HDGFL2: variants seen among roughly 807,000 people sequenced by gnomAD.
HDGFL2 encodes hepatoma-derived growth factor-related protein 2.
Under a neutral mutation model 77.1 loss-of-function variants are expected in HDGFL2, and 36 were observed. That is an observed-to-expected ratio of 0.47 (90% CI 0.36 to 0.62). HDGFL2 has a LOEUF of 0.62. HDGFL2 is among the 20% of genes least tolerant of loss of function. HDGFL2 has a pLI of 0.00. For missense variants in HDGFL2, 976 were observed against 973.4 expected, an observed-to-expected ratio of 1.00 and a Z score of -0.04; for synonymous variants, 463 against 413.1, an observed-to-expected ratio of 1.12 and a Z score of -1.46.
In HDGFL2 at chr19:4,498,504, G is replaced by A. The variant is rs1343913565; in HGVS notation, c.1473+128G>A. 26 of 752,484 alleles carry A rather than the reference G, an allele frequency of 3.5e-5. No homozygotes were observed. In the East Asian group the frequency reaches 3.7e-4, roughly 11 times the overall value. The allele number at this position is 752,484 out of a possible 1,614,324, so 46.6% of individuals were successfully genotyped here. ...GTTGGGTGGGCCAGGAGTCTGTTCC[G>A]GTTGCTAGTGAGCGCATGGGGTCTC... is the stretch of plus-strand genomic sequence containing the variant. On this transcript the variant is annotated intron_variant, in intron 12 of 15. Transcript: ENST00000616600.
At chr19:4,490,917 T>A (rs575246709) in intron 4 of HDGFL2, among the ~76,000 whole-genome samples, 1 of 152,066 alleles carries the variant, frequency 6.6e-6, no homozygotes, top group Admixed American at 6.5e-5. Context: ...GTTCAAGCGA[T>A]TATCCTGCCT....
chr19:4,488,524 T>G, intron 3 of HDGFL2, 152 bp from the exon 4 acceptor site: 3 of 714,728 alleles, frequency 4.2e-6, no homozygotes, highest in Non-Finnish European at 6.9e-6. Flanking sequence ...TCGGCTCTTC[T>G]GGGCCTCGGT....
At position 4,491,691 on chromosome 19, in the gene HDGFL2, G is replaced by C; in HGVS notation, c.606+9G>C. On this transcript the variant is annotated intron_variant, in intron 5 of 15. Transcript: ENST00000616600. The stretch of plus-strand genomic sequence containing the variant: ...AGAAGACCAGCGACCAGGTGGGCCA[G>C]TGGCTCCTTGGGATGGCAGGGAAGC... 1 of 1,613,936 alleles carries C rather than the reference G, an allele frequency of 6.2e-7. No individual in the cohort carries two copies. Among genetic ancestry groups the C allele is most frequent in the Non-Finnish European group, 8.5e-7 (1 of 1,179,860 alleles).
chr19:4,498,879 C>T lies in HDGFL2; in HGVS notation c.1539C>T (p.Leu513=), dbSNP rs1975779254. 1 of 1,611,976 alleles carries T rather than the reference C, an allele frequency of 6.2e-7. No homozygotes were observed. Among genetic ancestry groups the T allele is most frequent in the Non-Finnish European group, 8.5e-7 (1 of 1,179,048 alleles). Residue 513 remains leucine (L), a synonymous_variant, in exon 13 of 16, where the codon CTC becomes CTT. Coordinates refer to ENST00000616600, the MANE Select transcript of HDGFL2 (RefSeq NM_001001520.3). The stretch of plus-strand genomic sequence containing the variant: ...CCCTGCAGGTGACCTCTCAGATCCT[C>T]CAGAAGAACACAGACGTGGTGGCCA... The part of the protein sequence containing the change: ...LGTLQVTSQI[L]QKNTDVVATL...
At chr19:4,491,732 G>A in intron 5 of HDGFL2, 32 bp from the exon 6 acceptor site, 1 of 1,613,522 alleles carries the variant, frequency 6.2e-7, no homozygotes, top group Non-Finnish European at 8.5e-7. Context: ...GGCTGCCAGT[G>A]GGCCCCAGTT....
At chr19:4,489,134 G>T (rs10401202) in intron 4 of HDGFL2, among the ~76,000 whole-genome samples, 11,310 of 151,584 alleles carry the variant, frequency 0.075, 1,423 homozygotes, top group African/African-American at 0.26. Flanking sequence ...TTGTATTTTT[G>T]TTAGAGACGG....
At chr19:4,495,242 G>A (rs1975670126) in intron 9 of HDGFL2, among the ~76,000 whole-genome samples, 2 of 151,792 alleles carry the variant, frequency 1.3e-5, no homozygotes, top group East Asian at 3.9e-4. Context: ...AAAAAAATTA[G>A]CCAGGCGTTG....
At chr19:4,475,115 A>G (rs1486750241) in intron 1 of HDGFL2, 160 bp from the exon 2 acceptor site, 4 of 644,640 alleles carry the variant, frequency 6.2e-6, no homozygotes, top group Non-Finnish European at 8.3e-6. Context: ...AGTGAAGGGT[A>G]CACAGAAGAA....
intron 3 of HDGFL2, among the ~76,000 whole-genome samples, chr19:4,483,368 G>A (rs932649285): frequency 6.6e-6 from 1 of 152,176 alleles, no homozygotes; most frequent in African/African-American, 2.4e-5. Context: ...GGGAGGACCA[G>A]GCTAAGCCTG....
Position 4,492,101 on chromosome 19 carries a change from TGAGA to T in HDGFL2, c.678+270_678+273del, listed in dbSNP as rs1028101391. Among the ~76,000 whole-genome samples, 8 of 151,836 alleles carry T rather than the reference TGAGA, an allele frequency of 5.3e-5. No homozygotes were observed. The South Asian group carries it at 1.0e-3, about 20-fold the overall frequency. ...CAGTCCTGACGCGCCTGCATGAGAG[TGAGA>T]GAGTGAGAAAGCAAGAGCGCGAGAG... On this transcript the variant is annotated intron_variant, in intron 6 of 15. Coordinates refer to ENST00000616600, the MANE Select transcript of HDGFL2 (RefSeq NM_001001520.3).
At chr19:4,491,891 T>G in intron 6 of HDGFL2, 56 bp downstream of exon 6, 1 of 1,478,504 alleles carries the variant, frequency 6.8e-7, no homozygotes, top group Non-Finnish European at 9.4e-7. Context: ...CTCTGCGGTC[T>G]CCAGTGCTGT....
intron 3 of HDGFL2, among the ~76,000 whole-genome samples, chr19:4,482,587 C>T (rs1441374744): frequency 6.6e-6 from 1 of 152,208 alleles, no homozygotes; most frequent in Non-Finnish European, 1.5e-5. Context: ...ATCCTCCTTC[C>T]TTGGCCTCCC....
At chr19:4,491,269 ACCCCCCCACCC>A (rs1975502717) in intron 4 of HDGFL2, among the ~76,000 whole-genome samples, 1 of 19,414 alleles carries the variant, frequency 5.2e-5, no homozygotes, top group Non-Finnish European at 1.0e-4. Flanking sequence ...CCACCCCCCC[ACCCCCCCACCC>A]CCCCCGGCGC....
chr19:4,491,650 A>G lies in HDGFL2; in HGVS notation c.574A>G (p.Ser192Gly). 1 of 1,614,050 alleles carries G rather than the reference A, an allele frequency of 6.2e-7. No homozygotes were observed. Among genetic ancestry groups the G allele is most frequent in the Non-Finnish European group, 8.5e-7 (1 of 1,180,014 alleles). ...VSPSEEENSE[S>G]SSESEKTSDQ... is the part of the protein sequence containing the mutation. ...CCCATCCGAAGAGGAGAACTCGGAA[A>G]GCTCATCTGAGTCGGAGAAGACCAG... Residue 192 changes from serine (S) to glycine (G), a missense_variant, in exon 5 of 16, where the codon AGC becomes GGC. This residue lies in a region of HDGFL2 where 567 missense variants were observed against 534.7 expected (regional missense o/e 1.06). Transcript: ENST00000616600.
intron 1 of HDGFL2, among the ~76,000 whole-genome samples, chr19:4,473,557 C>T (rs1198829073): frequency 1.3e-5 from 2 of 151,592 alleles, no homozygotes; most frequent in Non-Finnish European, 2.9e-5. Flanking sequence ...CCTTGTGGGT[C>T]CTGGAGAAGC....
intron 9 of HDGFL2, 78 bp from the exon 10 acceptor site, chr19:4,496,224 C>A: frequency 1.7e-6 from 2 of 1,187,090 alleles, no homozygotes; most frequent in Non-Finnish European, 2.5e-6. Flanking sequence ...AGCTGCATCT[C>A]CTGGTAGTGG....
At chr19:4,484,081 A>G (rs4807592) in intron 3 of HDGFL2, among the ~76,000 whole-genome samples, 145,235 of 147,062 alleles carry the variant, frequency 0.99, 71,725 homozygotes, top group Non-Finnish European at 0.99. Flanking sequence ...GAGCCACTGC[A>G]CCCGGCCTTT....
chr19:4,496,836 G>C (rs1445189194), intron 10 of HDGFL2: 12 of 391,988 alleles, frequency 3.1e-5, no homozygotes, highest in Non-Finnish European at 4.9e-6. Context: ...TGGTCCCCCT[G>C]TGGTGGGCAG....
At chr19:4,494,768 AT>A in intron 9 of HDGFL2, among the ~76,000 whole-genome samples, 1 of 152,270 alleles carries the variant, frequency 6.6e-6, no homozygotes, top group Admixed American at 6.5e-5. Context: ...ACCTTAAAAA[AT>A]TAGCTGGGCG....
Sources: gnomAD v4.1 joint callset for allele counts (sites outside exome capture counted in the v4.1 genomes callset) on GRCh38, gnomAD v4.1.1 for gene constraint, gnomAD v4.1.1 regional missense constraint, MANE v1.5 for transcripts, NCBI Gene and HGNC (gene_info 2026-07-23, HGNC 2026-07-21) for gene names.